CADPS2: variants seen among roughly 807,000 people sequenced by gnomAD.
CADPS2 encodes calcium-dependent secretion activator 2.
A neutral mutation model predicts 172.5 loss-of-function variants in CADPS2; 93 were observed. The ratio of observed to expected loss-of-function variants is 0.54; its 90% CI spans 0.46 to 0.64. CADPS2 has a LOEUF of 0.64. CADPS2 is among the 30% of genes least tolerant of loss of function. The pLI, the probability that CADPS2 is intolerant of heterozygous loss-of-function variation, is 0.00. For synonymous variants in CADPS2, 546 were observed against 555.2 expected (o/e 0.98, Z 0.23); for missense variants, 1,420 against 1,565.9 (o/e 0.91, Z 1.57).
intron 8 of CADPS2, among the ~76,000 whole-genome samples, chr7:122,534,813 T>C (rs913053170): frequency 2.0e-5 from 3 of 152,100 alleles, no homozygotes; most frequent in African/African-American, 7.2e-5. Flanking sequence ...TTTCAAAATA[T>C]GTGAATATCC....
intron 3 of CADPS2, among the ~76,000 whole-genome samples, chr7:122,637,040 T>A (rs1040336719): frequency 7.0e-6 from 1 of 143,378 alleles, no homozygotes; most frequent in African/African-American, 2.5e-5. Flanking sequence ...TTTATTTTTT[T>A]AAATTGTTTA....
chr7:122,701,900 C>A (rs201630707), intron 2 of CADPS2: 57 of 1,613,438 alleles, frequency 3.5e-5, no homozygotes, highest in Non-Finnish European at 3.6e-5. Context: ...GGGGTCAATG[C>A]ATGCCTTATG....
At chr7:122,610,126 A>G (rs1405521596) in intron 6 of CADPS2, among the ~76,000 whole-genome samples, 2 of 150,938 alleles carry the variant, frequency 1.3e-5, no homozygotes, top group African/African-American at 4.9e-5. Context: ...TTTAAATCAG[A>G]CAAATTTCCT....
In CADPS2 at chr7:122,490,042, TATTA is replaced by T. The variant is rs2058149637; in HGVS notation, c.1852+35_1852+38del. On this transcript the variant is annotated intron_variant, in intron 11 of 29. Coordinates refer to ENST00000449022, the MANE Select transcript of CADPS2 (RefSeq NM_017954.11). ...CCTCAATTTTATATCTTATTAAGGC[TATTA>T]ATTGATAATCAAATTATTTTTTAAC... 5 of 1,547,766 alleles carry T rather than the reference TATTA, an allele frequency of 3.2e-6. No individual in the cohort carries two copies. In the East Asian group the frequency reaches 6.8e-5, roughly 21 times the overall value.
chr7:122,393,243 A>C lies in CADPS2; in HGVS notation c.2961T>G (p.Ile987Met), dbSNP rs749497041. The C allele has an allele frequency of 6.2e-7, 1 of 1,613,866 alleles. No homozygotes were observed. The highest frequency in any genetic ancestry group is 1.1e-5 in the South Asian group (1 of 91,080). Residue 987 changes from isoleucine (I) to methionine (M), a missense_variant, in exon 22 of 30, where the codon ATT becomes ATG. Transcript: ENST00000449022. The stretch of plus-strand genomic sequence containing the variant: ...TCCACGAAGCAGTAGAAATGTTAGG[A>C]ATCTGTGGAAGATTAAGAGGCAGAC... ...VPSLPLNLPQ[I>M]PNISTASWMP... is the part of the protein sequence containing the mutation.
At position 122,776,598 on chromosome 7, in the gene CADPS2, C is replaced by CA. The variant is rs557359652; in HGVS notation, c.340-39531dup. Among the ~76,000 whole-genome samples the CA allele has an allele frequency of 1.1e-3, 160 of 151,060 alleles. 1 individual carries two copies. In the East Asian group the frequency reaches 0.012, roughly 12 times the overall value. On this transcript the variant is annotated intron_variant, in intron 1 of 29. Transcript: ENST00000449022. The stretch of plus-strand genomic sequence containing the variant: ...AAAAAACTAAAAACAAACAAACAAA[C>CA]AAAAAACAGGAAAATGTGGGAAAGT...
At chr7:122,492,599 G>C (rs1194645269) in intron 9 of CADPS2, among the ~76,000 whole-genome samples, 1 of 152,178 alleles carries the variant, frequency 6.6e-6, no homozygotes, top group African/African-American at 2.4e-5. Flanking sequence ...GGGAGGTTCT[G>C]TTCCCAGCAG....
chr7:122,376,197 C>T lies in CADPS2; in HGVS notation c.3387+3171G>A, dbSNP rs370075170. On this transcript the variant is annotated intron_variant, in intron 25 of 29. Coordinates refer to ENST00000449022, the MANE Select transcript of CADPS2 (RefSeq NM_017954.11). ...CCTCAAAACATGAAAAATAGAACTA[C>T]CATATGATTTAGCGATCCCATTAAT... 3.0e-4 allele frequency among the ~76,000 whole-genome samples: 45 copies of T among 152,062 alleles called. 1 individual carries two copies. Among genetic ancestry groups the T allele is most frequent in the African/African-American group, 9.7e-4 (40 of 41,412 alleles).
At chr7:122,321,392 C>A (rs892824045) in intron 29 of CADPS2, among the ~76,000 whole-genome samples, 1 of 152,200 alleles carries the variant, frequency 6.6e-6, no homozygotes, top group Non-Finnish European at 1.5e-5. Context: ...TGTCTTGAAC[C>A]CCTGGCCTCA....
intron 1 of CADPS2, among the ~76,000 whole-genome samples, chr7:122,739,993 C>T (rs926767574): frequency 1.3e-5 from 2 of 152,130 alleles, no homozygotes; most frequent in Non-Finnish European, 2.9e-5. Context: ...AGATGTTCCA[C>T]CTCATGTCAT....
intron 8 of CADPS2, among the ~76,000 whole-genome samples, chr7:122,519,636 C>T (rs1419526260): frequency 6.6e-6 from 1 of 151,704 alleles, no homozygotes; most frequent in African/African-American, 2.4e-5. Flanking sequence ...AAACAAAGCA[C>T]AAAGACAACT....
chr7:122,500,054 G>C (rs1464150547), intron 9 of CADPS2, among the ~76,000 whole-genome samples: 1 of 152,158 alleles, frequency 6.6e-6, no homozygotes, highest in African/African-American at 2.4e-5. Flanking sequence ...AAGTACTCCA[G>C]ACGGACCATC....
intron 1 of CADPS2, among the ~76,000 whole-genome samples, chr7:122,740,879 A>C (rs1230499767): frequency 6.6e-6 from 1 of 152,136 alleles, no homozygotes; most frequent in Non-Finnish European, 1.5e-5. Context: ...AAAAGACTTA[A>C]TCCATGAAAA....
At chr7:122,478,852 A>G (rs2056986773) in intron 12 of CADPS2, among the ~76,000 whole-genome samples, 1 of 152,130 alleles carries the variant, frequency 6.6e-6, no homozygotes, top group African/African-American at 2.4e-5. Context: ...CTTTTTTGCT[A>G]TTGTGAATAG....
chr7:122,643,331 T>A (rs561440273), intron 3 of CADPS2, among the ~76,000 whole-genome samples: 6 of 152,244 alleles, frequency 3.9e-5, no homozygotes, highest in Non-Finnish European at 8.8e-5. Flanking sequence ...ACAATAAAGA[T>A]AGAGCATAGC....
chr7:122,547,905 G>A (rs545725887), intron 8 of CADPS2, among the ~76,000 whole-genome samples: 16 of 152,188 alleles, frequency 1.1e-4, no homozygotes, highest in Middle Eastern at 3.4e-3. Flanking sequence ...TCTTTAGAAT[G>A]CTAATTTCAA....
intron 29 of CADPS2, among the ~76,000 whole-genome samples, chr7:122,321,631 G>A (rs1328113226): frequency 2.6e-5 from 4 of 152,110 alleles, no homozygotes; most frequent in Admixed American, 2.6e-4. Flanking sequence ...TGGGATTACA[G>A]GCACATGCCA....
chr7:122,869,506 A>T (rs902813986), intron 1 of CADPS2, among the ~76,000 whole-genome samples: 23 of 152,062 alleles, frequency 1.5e-4, no homozygotes, highest in Non-Finnish European at 8.8e-5. Flanking sequence ...AATGTAGGGG[A>T]GATAAAACTT....
chr7:122,838,884 C>A (rs564814329), intron 1 of CADPS2, among the ~76,000 whole-genome samples: 17 of 152,294 alleles, frequency 1.1e-4, no homozygotes, highest in Non-Finnish European at 2.4e-4. Context: ...ATGCCCTCCC[C>A]ATCAAGTTAC....
Sources: allele counts gnomAD v4.1 joint callset (sites outside exome capture counted in the v4.1 genomes callset), GRCh38; gene constraint gnomAD v4.1.1; transcripts MANE v1.5; gene names NCBI Gene and HGNC (gene_info 2026-07-23, HGNC 2026-07-21).